CBFB: variants seen among roughly 807,000 people sequenced by gnomAD.
CBFB encodes the protein CBF-beta.
A neutral mutation model predicts 30.4 loss-of-function variants in CBFB; 9 were observed. The observed-to-expected ratio is 0.30, with a 90% CI of 0.18 to 0.52. The LOEUF (loss-of-function observed/expected upper bound fraction) is 0.52, where lower values mean the gene tolerates loss of function less well. Ranked by LOEUF, CBFB falls within the 20% of genes least tolerant of loss-of-function variation. CBFB has a pLI of 0.97. For synonymous variants in CBFB, 94 were observed against 84.0 expected, an observed-to-expected ratio of 1.12 and a Z score of -0.65; for missense variants, 170 against 244.0, an observed-to-expected ratio of 0.70 and a Z score of 2.02.
At position 67,064,889 on chromosome 16, in the gene CBFB, CT is replaced by C. The variant is rs1238848963; in HGVS notation, c.283-1785del. On this transcript the variant is annotated intron_variant, in intron 3 of 5. Coordinates refer to ENST00000412916, the MANE Select transcript of CBFB (RefSeq NM_022845.3). ...AATAAAAGTGTAAAACAGAAGTTTT[CT>C]TTTTTTTCTCTCTCTTTTTTTTGTT... Among the ~76,000 whole-genome samples, 8 of 151,834 alleles carry C rather than the reference CT, an allele frequency of 5.3e-5. No individual in the cohort carries two copies. The East Asian group carries it at 1.2e-3, about 22-fold the overall frequency.
In CBFB at chr16:67,100,062, G is replaced by A; in HGVS notation, c.*1284G>A. 1 of 212,672 alleles carries A rather than the reference G, an allele frequency of 4.7e-6. No individual in the cohort carries two copies. The highest frequency in any genetic ancestry group is 9.5e-6 in the Non-Finnish European group (1 of 104,968). 13.2% of individuals were successfully genotyped at this position (212,672 alleles called of 1,614,324 possible). A position where few individuals can be genotyped will look rare whatever the true frequency, so the allele number is the denominator to read the frequency against. ...TTTTAAATAGGCTTACTGTCAAATTGCAACTTTTTTTTTAGATACAGAGTG... is the reference window on the plus strand; with the variant it reads ...TTTTAAATAGGCTTACTGTCAAATTACAACTTTTTTTTTAGATACAGAGTG... On this transcript the variant is annotated 3_prime_UTR_variant, in exon 6 of 6. Coordinates refer to ENST00000412916, the MANE Select transcript of CBFB (RefSeq NM_022845.3).
At chr16:67,035,612 A>G (rs1966430016) in intron 2 of CBFB, among the ~76,000 whole-genome samples, 1 of 152,178 alleles carries the variant, frequency 6.6e-6, no homozygotes, top group South Asian at 2.1e-4. Context: ...CAGGGGAACT[A>G]TTGGATAGCT....
chr16:67,064,460 C>T (rs1960998539), intron 3 of CBFB, among the ~76,000 whole-genome samples: 1 of 152,194 alleles, frequency 6.6e-6, no homozygotes. Flanking sequence ...CCGCCTCAGC[C>T]TCCCAAAGTG....
chr16:67,038,196 A>G (rs546814020), intron 3 of CBFB, among the ~76,000 whole-genome samples: 1 of 151,974 alleles, frequency 6.6e-6, no homozygotes, highest in Non-Finnish European at 1.5e-5. Context: ...TCTAAGTGTC[A>G]TCATGAATAG....
intron 3 of CBFB, among the ~76,000 whole-genome samples, chr16:67,064,978 A>G (rs1051444510): frequency 1.9e-4 from 29 of 151,982 alleles, no homozygotes; most frequent in African/African-American, 2.4e-5. Context: ...GCTCACTGCA[A>G]TCTCTGCCTC....
chr16:67,033,953 C>G (rs1234997657), intron 2 of CBFB, among the ~76,000 whole-genome samples: 1 of 151,704 alleles, frequency 6.6e-6, no homozygotes, highest in Non-Finnish European at 1.5e-5. Flanking sequence ...CTCAGCCTCC[C>G]GAGTAGCTAG....
At chr16:67,051,412 A>G (rs987680316) in intron 3 of CBFB, among the ~76,000 whole-genome samples, 19 of 152,066 alleles carry the variant, frequency 1.2e-4, no homozygotes, top group African/African-American at 4.6e-4. Flanking sequence ...AATGTAATAT[A>G]TATATGGATC....
intron 4 of CBFB, among the ~76,000 whole-genome samples, chr16:67,081,833 CT>C (rs564426777): frequency 9.1e-5 from 13 of 143,078 alleles, no homozygotes; most frequent in Admixed American, 4.9e-4. Flanking sequence ...TTTTTTTTTT[CT>C]TTTTTTTTCT....
intron 3 of CBFB, among the ~76,000 whole-genome samples, chr16:67,063,110 G>A (rs1960956954): frequency 1.3e-5 from 2 of 152,094 alleles, no homozygotes; most frequent in Non-Finnish European, 2.9e-5. Flanking sequence ...AAGGGGTATT[G>A]TTTTTAGGTT....
At chr16:67,046,045 C>T (rs1485998646) in intron 3 of CBFB, among the ~76,000 whole-genome samples, 1 of 152,146 alleles carries the variant, frequency 6.6e-6, no homozygotes, top group East Asian at 1.9e-4. Flanking sequence ...ATCCGCCTGT[C>T]TTGGCCTCCC....
intron 5 of CBFB, among the ~76,000 whole-genome samples, chr16:67,083,298 A>T (rs904374065): frequency 2.1e-5 from 3 of 143,566 alleles, no homozygotes; most frequent in Non-Finnish European, 4.6e-5. Flanking sequence ...CATTATTTTG[A>T]TTTTTTTTTT....
intron 3 of CBFB, among the ~76,000 whole-genome samples, chr16:67,046,108 GTTGT>G (rs761870470): frequency 1.3e-5 from 2 of 149,588 alleles, no homozygotes. Context: ...CTTTTTTGTT[GTTGT>G]TTGTTTGTTT....
intron 3 of CBFB, 82 bp downstream of exon 3, chr16:67,036,837 T>A: frequency 2.4e-6 from 2 of 825,182 alleles, no homozygotes; most frequent in Non-Finnish European, 4.3e-6. Flanking sequence ...TTAATAAAGA[T>A]CACAGATCTG....
chr16:67,095,263 A>G (rs1404983393), intron 5 of CBFB, among the ~76,000 whole-genome samples: 1 of 149,396 alleles, frequency 6.7e-6, no homozygotes, highest in East Asian at 2.0e-4. Context: ...TCACGCCTGT[A>G]ATCCCAACAC....
chr16:67,078,095 A>G (rs1961453517), intron 4 of CBFB, among the ~76,000 whole-genome samples: 1 of 152,190 alleles, frequency 6.6e-6, no homozygotes, highest in African/African-American at 2.4e-5. Flanking sequence ...CGTGGTTTTT[A>G]TTAGCAGGTG....
At chr16:67,091,839 T>C (rs1215897900) in intron 5 of CBFB, among the ~76,000 whole-genome samples, 3 of 151,990 alleles carry the variant, frequency 2.0e-5, no homozygotes, top group African/African-American at 7.3e-5. Flanking sequence ...TATCAACCCA[T>C]CATCTAGGTT....
chr16:67,088,690 A>T (rs556157225), intron 5 of CBFB, among the ~76,000 whole-genome samples: 1 of 152,332 alleles, frequency 6.6e-6, no homozygotes, highest in East Asian at 1.9e-4. Flanking sequence ...ACTGGAGAGG[A>T]GGGCCAGAGA....
chr16:67,048,823 C>CTT (rs559010433), intron 3 of CBFB, among the ~76,000 whole-genome samples: 26 of 85,866 alleles, frequency 3.0e-4, no homozygotes, highest in South Asian at 7.6e-4. Flanking sequence ...TTTTTTTTTT[C>CTT]TTTTTTTTTT....
chr16:67,062,237 C>T (rs1397587186), intron 3 of CBFB, among the ~76,000 whole-genome samples: 1 of 150,278 alleles, frequency 6.7e-6, no homozygotes, highest in Admixed American at 6.6e-5. Context: ...GGCATGATCT[C>T]GGCTCACTGC....
Sources: allele counts gnomAD v4.1 joint callset (sites outside exome capture counted in the v4.1 genomes callset), GRCh38; gene constraint gnomAD v4.1.1; transcripts MANE v1.5; gene names NCBI Gene and HGNC (gene_info 2026-07-23, HGNC 2026-07-21).